Variants in KDM2B observed in about 807,000 individuals in gnomAD.
The protein encoded by KDM2B is lysine demethylase 2B, also known as lysine-specific demethylase 2B.
KDM2B carries 26 observed loss-of-function variants against 150.0 expected under a neutral mutation model. That is an observed-to-expected ratio of 0.17 (90% CI 0.13 to 0.24). The LOEUF is 0.24. KDM2B is among the 10% of genes least tolerant of loss of function. The pLI is 1.00. For missense variants in KDM2B, 1,265 were observed against 1,816.9 expected, an observed-to-expected ratio of 0.70 and a Z score of 5.52; for synonymous variants, 734 against 729.5, an observed-to-expected ratio of 1.01 and a Z score of -0.10.
intron 4 of KDM2B, among the ~76,000 whole-genome samples, chr12:121,566,952 G>T (rs1890746712): frequency 6.6e-6 from 1 of 151,552 alleles, no homozygotes; most frequent in African/African-American, 2.4e-5. Context: ...CGCAATCTCA[G>T]CTCACTGCAA....
chr12:121,531,829 A>C (rs1887681689), intron 8 of KDM2B, among the ~76,000 whole-genome samples: 1 of 152,214 alleles, frequency 6.6e-6, no homozygotes, highest in Non-Finnish European at 1.5e-5. Context: ...GCGGTGGCTC[A>C]CATGTGTAAT....
intron 12 of KDM2B, among the ~76,000 whole-genome samples, chr12:121,466,215 T>A (rs1879891272): frequency 6.6e-6 from 1 of 152,294 alleles, no homozygotes; most frequent in South Asian, 2.1e-4. Context: ...ATAAGCGTTT[T>A]ATGCACCCAA....
At chr12:121,428,416 A>G (rs1872618896), downstream of KDM2B, among the ~76,000 whole-genome samples, 1 of 152,050 alleles carries the variant, frequency 6.6e-6, no homozygotes, top group East Asian at 1.9e-4. Context: ...GCTGGTCTTG[A>G]ACTCCTGACC....
intron 4 of KDM2B, 30 bp downstream of exon 4, chr12:121,574,517 T>C: frequency 4.3e-6 from 7 of 1,611,116 alleles, no homozygotes; most frequent in Non-Finnish European, 5.9e-6. Context: ...CTTCAGCATG[T>C]CTGAGCCACA....
chr12:121,484,757 G>A (rs1593910024), intron 12 of KDM2B, among the ~76,000 whole-genome samples: 1 of 152,272 alleles, frequency 6.6e-6, no homozygotes, highest in Middle Eastern at 3.4e-3. Context: ...GGTCGAGGCT[G>A]CAGTGAGCTG....
chr12:121,421,489 T>TTG, the KDM2B span, among the ~76,000 whole-genome samples: 1 of 149,026 alleles, frequency 6.7e-6, no homozygotes, highest in African/African-American at 2.5e-5. Flanking sequence ...CAGGGAGCCG[T>TTG]GGTCATGCCA....
chr12:121,500,076 G>A (rs923666237), intron 11 of KDM2B, among the ~76,000 whole-genome samples: 7 of 152,168 alleles, frequency 4.6e-5, no homozygotes, highest in Non-Finnish European at 1.0e-4. Flanking sequence ...CCACCAGGGG[G>A]CGCCCTGGGC....
At chr12:121,448,713 C>G (rs1275759997) in intron 13 of KDM2B, among the ~76,000 whole-genome samples, 1 of 152,140 alleles carries the variant, frequency 6.6e-6, no homozygotes, top group African/African-American at 2.4e-5. Context: ...TTCTAATAAA[C>G]AGGACACAGA....
downstream of KDM2B, among the ~76,000 whole-genome samples, chr12:121,427,976 G>T (rs987327696): frequency 6.6e-6 from 1 of 152,196 alleles, no homozygotes; most frequent in East Asian, 1.9e-4. Context: ...TGGAGGTTTG[G>T]AGAACTCAGG....
chr12:121,416,579 T>A, the KDM2B span: 1 of 514,360 alleles, frequency 1.9e-6, no homozygotes, highest in Non-Finnish European at 3.5e-6. Context: ...TTTCTCATGT[T>A]CAGGCATCCT....
rs183180988 is a variant in KDM2B at position 121,461,962 on chromosome 12, A to G, written c.1735-8618T>C. Among the ~76,000 whole-genome samples, 753 of 152,338 alleles carry G rather than the reference A, an allele frequency of 4.9e-3. 5 individuals carry two copies. Among genetic ancestry groups the G allele is most frequent in the South Asian group, 0.011 (55 of 4,830 alleles). On this transcript the variant is annotated intron_variant, in intron 12 of 22. Coordinates refer to ENST00000377071, the MANE Select transcript of KDM2B (RefSeq NM_032590.5). Reference sequence around the variant, plus strand: ...GCTGTGGCATCACAAGAGCCAGGCAAGTTTCAAGAAGGGAGCAGTTACAAG... The same window carrying G: ...GCTGTGGCATCACAAGAGCCAGGCAGGTTTCAAGAAGGGAGCAGTTACAAG...
At chr12:121,484,960 G>A (rs1882602250) in intron 12 of KDM2B, among the ~76,000 whole-genome samples, 1 of 152,116 alleles carries the variant, frequency 6.6e-6, no homozygotes, top group African/African-American at 2.4e-5. Context: ...GCACCCATAT[G>A]ATTGTTGTCC....
chr12:121,476,227 G>A (rs912627219), intron 12 of KDM2B, among the ~76,000 whole-genome samples: 2 of 151,970 alleles, frequency 1.3e-5, no homozygotes, highest in African/African-American at 2.4e-5. Flanking sequence ...CCCGGGAGGC[G>A]GAGGTTGCAG....
chr12:121,525,198 G>C (rs782515123), intron 8 of KDM2B, among the ~76,000 whole-genome samples: 6 of 152,186 alleles, frequency 3.9e-5, no homozygotes, highest in Non-Finnish European at 7.3e-5. Context: ...TCATAGTTGG[G>C]ACCAGGGGCC....
chr12:121,442,736 G>T lies in KDM2B; in HGVS notation c.2705C>A (p.Pro902His), dbSNP rs782663571. The T allele has an allele frequency of 1.3e-6, 2 of 1,563,876 alleles. No homozygotes were observed. Among genetic ancestry groups the T allele is most frequent in the Admixed American group, 2.0e-5 (1 of 50,586 alleles). The change falls in exon 19 of 23, where the codon CCC becomes CAC. Residue 902 changes from proline (P) to histidine (H), a missense_variant. Coordinates refer to ENST00000377071, the MANE Select transcript of KDM2B (RefSeq NM_032590.5). This position sits in a 1 kb window ranked among gnomAD's most constrained non-coding sequence, Gnocchi z 7.7. ...EPEDELPEAPPKTRESDHSRS... is the reference protein window; with the variant it reads ...EPEDELPEAPHKTRESDHSRS... The stretch of plus-strand genomic sequence containing the variant: ...GGAGTGGTCGCTCTCCCTGGTCTTG[G>T]GGGGCGCCTCGGGCAGTTCGTCCTC...
chr12:121,417,391 C>T, the KDM2B span: 4 of 806,722 alleles, frequency 5.0e-6, no homozygotes, highest in Non-Finnish European at 7.8e-6. The surrounding 1 kb of genome is among the most constrained non-coding windows in gnomAD (Gnocchi z 5.0). Context: ...AGTCTGGTGC[C>T]ACTGGGGACT....
chr12:121,543,328 C>T (rs1217798217), intron 6 of KDM2B, among the ~76,000 whole-genome samples: 5 of 152,102 alleles, frequency 3.3e-5, no homozygotes, highest in East Asian at 1.9e-4. Flanking sequence ...TGCGCTCCAG[C>T]CTGGGCGACA....
At chr12:121,494,258 G>A (rs1883671967) in intron 12 of KDM2B, 1 of 295,606 alleles carries the variant, frequency 3.4e-6, no homozygotes, top group Non-Finnish European at 6.4e-6. Context: ...AAAGGAAAAG[G>A]GAAAAGGAAG....
At chr12:121,507,348 A>G (rs569336583) in intron 11 of KDM2B, among the ~76,000 whole-genome samples, 1 of 152,290 alleles carries the variant, frequency 6.6e-6, no homozygotes, top group African/African-American at 2.4e-5. Flanking sequence ...TGGGCGACAG[A>G]GCAAGACTTC....
Sources: allele counts gnomAD v4.1 joint callset (sites outside exome capture counted in the v4.1 genomes callset), GRCh38; gene constraint gnomAD v4.1.1; non-coding constraint Gnocchi (gnomAD v3.1); transcripts MANE v1.5; gene names NCBI Gene and HGNC (gene_info 2026-07-23, HGNC 2026-07-21).